Variants in STRN3 observed in about 807,000 individuals in gnomAD.
The protein encoded by STRN3 is striatin 3.
Under a neutral mutation model 95.6 loss-of-function variants are expected in STRN3, and 29 were observed. The ratio of observed to expected loss-of-function variants is 0.30; its 90% CI spans 0.23 to 0.41. STRN3 has a LOEUF of 0.41. STRN3 is among the 10% of genes least tolerant of loss of function. STRN3 has a pLI of 1.00. For missense variants in STRN3, 890 were observed against 972.1 expected (o/e 0.92, Z 1.12); for synonymous variants, 331 against 357.6 (o/e 0.93, Z 0.84).
chr14:30,908,593 C>G (rs1243104686), intron 13 of STRN3, among the ~76,000 whole-genome samples: 1 of 152,182 alleles, frequency 6.6e-6, no homozygotes, highest in Non-Finnish European at 1.5e-5. Flanking sequence ...TATTATTGGA[C>G]CTCTCAGCAA....
chr14:30,954,658 T>C (rs897804492), intron 3 of STRN3, among the ~76,000 whole-genome samples: 2 of 152,180 alleles, frequency 1.3e-5, no homozygotes, highest in African/African-American at 2.4e-5. Context: ...TGAGGAACTT[T>C]TAATATTTAG....
chr14:31,010,710 C>T (rs376525547), intron 1 of STRN3, among the ~76,000 whole-genome samples: 6 of 152,230 alleles, frequency 3.9e-5, no homozygotes, highest in African/African-American at 1.4e-4. Flanking sequence ...AAGTAGCCCC[C>T]GCCCCACAGT....
Position 30,929,250 on chromosome 14 carries a change from T to G in STRN3, c.1050A>C (p.Lys350Asn). The G allele has an allele frequency of 6.2e-7, 1 of 1,613,678 alleles. No homozygotes were observed. Among genetic ancestry groups the G allele is most frequent in the Admixed American group, 1.7e-5 (1 of 59,992 alleles). The change falls in exon 8 of 18, where the codon AAA becomes AAC. Residue 350 changes from lysine (K) to asparagine (N), a missense_variant. Lys to Asn is a moderately conservative substitution (Grantham distance 94). Around this residue, in one of 3 missense-constraint regions of STRN3, gnomAD observed 526 missense variants for 526.3 expected, o/e 1.00. Coordinates refer to ENST00000357479, the MANE Select transcript of STRN3 (RefSeq NM_001083893.2). ...VWDVDQGLIS[K>N]LKEQYKKERK... is the part of the protein sequence containing the mutation. ...GTTCCTTCTTGTACTGTTCCTTCAG[T>G]TTACTTATTAGTCCCTGGTCTACAT...
intron 1 of STRN3, among the ~76,000 whole-genome samples, chr14:30,977,488 A>C (rs904894690): frequency 6.6e-6 from 1 of 151,838 alleles, no homozygotes; most frequent in Non-Finnish European, 1.5e-5. Flanking sequence ...CAAACTACTA[A>C]TATCAGAAAT....
intron 8 of STRN3, among the ~76,000 whole-genome samples, chr14:30,925,741 A>G (rs1213800448): frequency 6.6e-6 from 1 of 152,190 alleles, no homozygotes; most frequent in African/African-American, 2.4e-5. Flanking sequence ...TCTGATTTTT[A>G]TTATTCAATG....
chr14:30,907,042 G>C lies in STRN3; in HGVS notation c.1723C>G (p.Pro575Ala), dbSNP rs1210928614. The C allele has an allele frequency of 1.9e-6, 3 of 1,597,356 alleles. No individual in the cohort carries two copies. The South Asian group carries it at 3.5e-5, about 18-fold the overall frequency. Residue 575 changes from proline to alanine, a missense_variant and splice_region_variant, in exon 14 of 18, where the codon CCA becomes GCA. By Grantham distance (27) the Pro-to-Ala change is conservative (BLOSUM62 -1). Coordinates refer to ENST00000357479, the MANE Select transcript of STRN3 (RefSeq NM_001083893.2). The stretch of plus-strand genomic sequence containing the variant: ...ACTAAAGTGCCAGCTAGAACATTTG[G>C]CTCTGGGGAAAAAACAAACAAACAA... ...PSVDPYDTYE[P>A]NVLAGTLVGH... is the part of the protein sequence containing the mutation.
Position 30,895,517 on chromosome 14 carries a change from G to A in STRN3, c.2288C>T (p.Ala763Val). 1.9e-6 allele frequency: 3 copies of A among 1,614,062 alleles called. No individual in the cohort carries two copies. The highest frequency in any genetic ancestry group is 2.5e-6 in the Non-Finnish European group (3 of 1,180,012). The change falls in exon 18 of 18, where the codon GCT becomes GTT. Residue 763 changes from alanine to valine, a missense_variant. Physicochemically the swap from Ala to Val is moderately conservative, Grantham distance 64 (BLOSUM62 0). Transcript: ENST00000357479. Reference protein sequence around the residue: ...DSKTCVQEITAHRKKLDESIY... With the variant: ...DSKTCVQEITVHRKKLDESIY... ...TGATTCATCCAATTTCTTTCTGTGAGCTGTTATTTCTTGCACACATGTCTT... is the reference window on the plus strand; with the variant it reads ...TGATTCATCCAATTTCTTTCTGTGAACTGTTATTTCTTGCACACATGTCTT...
chr14:31,014,290 G>A (rs928500282), intron 1 of STRN3, among the ~76,000 whole-genome samples: 12 of 151,908 alleles, frequency 7.9e-5, no homozygotes, highest in African/African-American at 2.9e-4. Flanking sequence ...ACGTGATCTC[G>A]GCCCACTGCA....
intron 13 of STRN3, among the ~76,000 whole-genome samples, chr14:30,908,693 CTTCT>C (rs1290405178): frequency 1.3e-5 from 2 of 152,252 alleles, no homozygotes; most frequent in East Asian, 1.9e-4. Context: ...CCTGCACTTC[CTTCT>C]GTCTCTTGGG....
Position 30,900,060 on chromosome 14 carries a change from G to A in STRN3, c.2137+2476C>T, listed in dbSNP as rs186635574. 2.6e-5 allele frequency among the ~76,000 whole-genome samples: 4 copies of A among 152,138 alleles called. No homozygotes were observed. The East Asian group carries it at 5.8e-4, about 22-fold the overall frequency. ...AAATGAGTTTTTAAAGAACTTCTCT[G>A]AAAACACCATATCCAGGCCGGGCGC... On this transcript the variant is annotated intron_variant, in intron 16 of 17. Coordinates refer to ENST00000357479, the MANE Select transcript of STRN3 (RefSeq NM_001083893.2).
intron 1 of STRN3, among the ~76,000 whole-genome samples, chr14:30,995,273 C>T (rs1187168104): frequency 6.6e-6 from 1 of 151,866 alleles, no homozygotes; most frequent in African/African-American, 2.4e-5. Context: ...GAAGCATCTG[C>T]ATATTGTTTA....
At position 31,006,979 on chromosome 14, in the gene STRN3, C is replaced by A. The variant is rs193210941; in HGVS notation, c.282+18925G>T. ...CTCCAGCCTGGGCAACAGAGTGAGA[C>A]CCTGTCTCTAAAATAAATAAATAAA... On this transcript the variant is annotated intron_variant, in intron 1 of 17. Coordinates refer to ENST00000357479, the MANE Select transcript of STRN3 (RefSeq NM_001083893.2). 1.9e-3 allele frequency among the ~76,000 whole-genome samples: 287 copies of A among 152,220 alleles called. 2 individuals are homozygous for A. Among genetic ancestry groups the A allele is most frequent in the African/African-American group, 6.3e-3 (262 of 41,516 alleles).
chr14:30,908,815 C>G (rs1271274868), intron 13 of STRN3, among the ~76,000 whole-genome samples: 2 of 152,186 alleles, frequency 1.3e-5, no homozygotes, highest in African/African-American at 4.8e-5. Context: ...TTACACCAAA[C>G]AATACACTCC....
intron 8 of STRN3, among the ~76,000 whole-genome samples, chr14:30,926,189 T>C (rs1897023785): frequency 1.3e-5 from 2 of 152,118 alleles, no homozygotes; most frequent in African/African-American, 4.8e-5. Context: ...TTCTGAATTC[T>C]CTTTCCTGAG....
At chr14:30,977,861 G>A (rs1189847675) in intron 1 of STRN3, among the ~76,000 whole-genome samples, 1 of 145,684 alleles carries the variant, frequency 6.9e-6, no homozygotes, top group Non-Finnish European at 1.5e-5. Context: ...GACATTAAAA[G>A]GAAAATAAAA....
intron 1 of STRN3, among the ~76,000 whole-genome samples, chr14:31,013,787 G>A (rs964912883): frequency 6.7e-6 from 1 of 150,262 alleles, no homozygotes; most frequent in Non-Finnish European, 1.5e-5. Context: ...AACGGGGGGG[G>A]TCTCACTATG....
intron 9 of STRN3, among the ~76,000 whole-genome samples, chr14:30,918,260 C>T (rs912783943): frequency 5.9e-5 from 9 of 152,046 alleles, no homozygotes; most frequent in African/African-American, 1.9e-4. Flanking sequence ...GTAATCCCAG[C>T]GCCTTGGGAG....
intron 8 of STRN3, among the ~76,000 whole-genome samples, chr14:30,926,598 T>C (rs1429370228): frequency 6.6e-6 from 1 of 151,860 alleles, no homozygotes; most frequent in Non-Finnish European, 1.5e-5. Flanking sequence ...ATACTTCTTA[T>C]ATTATCTGAA....
At chr14:30,980,493 T>C (rs1283877280) in intron 1 of STRN3, among the ~76,000 whole-genome samples, 1 of 151,942 alleles carries the variant, frequency 6.6e-6, no homozygotes, top group Non-Finnish European at 1.5e-5. Context: ...CTGCAACCTC[T>C]GCCTCCCGGG....
Sources: allele counts gnomAD v4.1 joint callset (sites outside exome capture counted in the v4.1 genomes callset), GRCh38; gene constraint gnomAD v4.1.1; regional missense constraint gnomAD v4.1.1; transcripts MANE v1.5; gene names NCBI Gene and HGNC (gene_info 2026-07-23, HGNC 2026-07-21).